FOXK1: variants seen among roughly 807,000 people sequenced by gnomAD.
FOXK1 encodes forkhead box K1, also known as forkhead box protein K1.
In FOXK1, 19 loss-of-function variants were observed where a neutral mutation model predicts 51.9. That is an observed-to-expected ratio of 0.37 (90% confidence interval 0.26 to 0.54). The LOEUF (loss-of-function observed/expected upper bound fraction) is 0.54. Ranked by LOEUF, FOXK1 falls within the 20% of genes least tolerant of loss-of-function variation. The pLI is 0.87. For missense variants in FOXK1, 870 were observed against 1,032.7 expected (o/e 0.84, Z 2.16); for synonymous variants, 537 against 482.6 (o/e 1.11, Z -1.48).
rs1454642252 is a variant in FOXK1 at position 4,767,070 on chromosome 7, G to A, written c.*4606G>A. 1 of 152,160 alleles carries A rather than the reference G, an allele frequency of 6.6e-6. No homozygotes were observed. The highest frequency in any genetic ancestry group is 1.5e-5 in the Non-Finnish European group (1 of 68,062). The allele number at this position is 152,160 out of a possible 1,614,324, so 9.4% of individuals were successfully genotyped here. ...GCTTTCAGAGCCGGCGGGAGTGCAGGTCTGTTTTGCTTCAGAAGCCTCACA... is the reference window on the plus strand; with the variant it reads ...GCTTTCAGAGCCGGCGGGAGTGCAGATCTGTTTTGCTTCAGAAGCCTCACA... On this transcript the variant is annotated 3_prime_UTR_variant, in exon 9 of 9. Transcript: ENST00000328914. This position sits in a 1 kb window ranked among gnomAD's most constrained non-coding sequence, Gnocchi z 6.6.
intron 1 of FOXK1, among the ~76,000 whole-genome samples, chr7:4,717,515 CTGGCTGGGAGGCACG>C (rs1239966102): frequency 1.5e-5 from 2 of 137,608 alleles, no homozygotes; most frequent in South Asian, 2.4e-4. Context: ...TGGGAGGTGC[CTGGCTGGGAGGCACG>C]TGGCTGGGAG....
At position 4,735,512 on chromosome 7, in the gene FOXK1, C is replaced by T. The variant is rs1780541192; in HGVS notation, c.561-5326C>T. ...AGCTCTTAGTCATTCTCCGTCCCCC[C>T]TGCCTGTCCCACCCGTCACTCCAGC... is the stretch of plus-strand genomic sequence containing the variant. On this transcript the variant is annotated intron_variant, in intron 1 of 8. Transcript: ENST00000328914. The surrounding 1 kb of genome is among the most constrained non-coding windows in gnomAD (Gnocchi z 4.7). 6.6e-6 allele frequency among the ~76,000 whole-genome samples: 1 copy of T among 152,196 alleles called. No homozygotes were observed. Among genetic ancestry groups the T allele is most frequent in the Non-Finnish European group, 1.5e-5 (1 of 68,038 alleles).
chr7:4,754,675 C>A, intron 3 of FOXK1, 60 bp downstream of exon 3: 1 of 1,541,268 alleles, frequency 6.5e-7, no homozygotes, highest in Non-Finnish European at 8.7e-7. Flanking sequence ...CATAGTGACC[C>A]GGCGCGGGCG....
At chr7:4,739,037 G>A (rs1310445619) in intron 1 of FOXK1, among the ~76,000 whole-genome samples, 1 of 152,188 alleles carries the variant, frequency 6.6e-6, no homozygotes, top group Non-Finnish European at 1.5e-5. Context: ...TTTCAAAAAC[G>A]CTTTGACGAA....
In FOXK1 at chr7:4,711,262, G is replaced by C. The variant is rs1258466207; in HGVS notation, c.560+28394G>C. On this transcript the variant is annotated intron_variant, in intron 1 of 8. Coordinates refer to ENST00000328914, the MANE Select transcript of FOXK1 (RefSeq NM_001037165.2). This position sits in a 1 kb window ranked among gnomAD's most constrained non-coding sequence, Gnocchi z 6.3. ...CCGACACCTGGGGGTGTTTTCACAGGGTGGGAAGGCTGAGTGTCCTGGGAA... is the reference window on the plus strand; with the variant it reads ...CCGACACCTGGGGGTGTTTTCACAGCGTGGGAAGGCTGAGTGTCCTGGGAA... 6.6e-6 allele frequency among the ~76,000 whole-genome samples: 1 copy of C among 152,166 alleles called. No individual in the cohort carries two copies. Among genetic ancestry groups the C allele is most frequent in the Non-Finnish European group, 1.5e-5 (1 of 68,032 alleles).
In FOXK1 at chr7:4,729,821, C is replaced by G. The variant is rs1780427226; in HGVS notation, c.561-11017C>G. Among the ~76,000 whole-genome samples the G allele has an allele frequency of 6.6e-6, 1 of 152,162 alleles. No individual in the cohort carries two copies. Among genetic ancestry groups the G allele is most frequent in the Non-Finnish European group, 1.5e-5 (1 of 68,022 alleles). On this transcript the variant is annotated intron_variant, in intron 1 of 8. Coordinates refer to ENST00000328914, the MANE Select transcript of FOXK1 (RefSeq NM_001037165.2). The surrounding 1 kb of genome is among the most constrained non-coding windows in gnomAD (Gnocchi z 6.2). ...CCTGGCCAACATGGTGAAACCCCAT[C>G]TCTACTAACAATACAAAAACTAGCC...
At chr7:4,751,281 A>AAAAGCATTGGGATTACCAATCCC (rs1465286391) in intron 2 of FOXK1, among the ~76,000 whole-genome samples, 1 of 147,268 alleles carries the variant, frequency 6.8e-6, no homozygotes, top group East Asian at 2.1e-4. Context: ...GGGTAATCCC[A>AAAAGCATTGGGATTACCAATCCC]AAAGCATTGG....
At position 4,733,935 on chromosome 7, in the gene FOXK1, C is replaced by A. The variant is rs1376895348; in HGVS notation, c.561-6903C>A. 6.6e-6 allele frequency among the ~76,000 whole-genome samples: 1 copy of A among 152,180 alleles called. No individual in the cohort carries two copies. Among genetic ancestry groups the A allele is most frequent in the African/African-American group, 2.4e-5 (1 of 41,452 alleles). On this transcript the variant is annotated intron_variant, in intron 1 of 8. Coordinates refer to ENST00000328914, the MANE Select transcript of FOXK1 (RefSeq NM_001037165.2). This position sits in a 1 kb window ranked among gnomAD's most constrained non-coding sequence, Gnocchi z 5.0. ...CAGGGACCTCCCAGCACGCGCCAAC[C>A]CTGGACTTCCCCCAGAGCTCATCTG... is the stretch of plus-strand genomic sequence containing the variant.
At chr7:4,684,065 C>T (rs1178395005) in intron 1 of FOXK1, among the ~76,000 whole-genome samples, 1 of 152,186 alleles carries the variant, frequency 6.6e-6, no homozygotes, top group Non-Finnish European at 1.5e-5. Context: ...CCGTGGTCAC[C>T]TCCCGCCCAT....
At position 4,735,959 on chromosome 7, in the gene FOXK1, G is replaced by T. The variant is rs1228022459; in HGVS notation, c.561-4879G>T. ...ACTTGAGGTCAGGAGTTCAAGACCA[G>T]CCTGGCCAACATGACCCCGTCTCTA... On this transcript the variant is annotated intron_variant, in intron 1 of 8. Transcript: ENST00000328914. This position sits in a 1 kb window ranked among gnomAD's most constrained non-coding sequence, Gnocchi z 4.7. Among the ~76,000 whole-genome samples, 3 of 152,152 alleles carry T rather than the reference G, an allele frequency of 2.0e-5. No individual in the cohort carries two copies. Among genetic ancestry groups the T allele is most frequent in the Non-Finnish European group, 2.9e-5 (2 of 68,026 alleles).
intron 1 of FOXK1, among the ~76,000 whole-genome samples, chr7:4,719,395 C>T (rs1369320000): frequency 6.6e-6 from 1 of 152,208 alleles, no homozygotes; most frequent in Admixed American, 6.5e-5. Context: ...CCGCCTCTGC[C>T]TCCCAACGTG....
In FOXK1 at chr7:4,709,028, G is replaced by T. The variant is rs1226457472; in HGVS notation, c.560+26160G>T. On this transcript the variant is annotated intron_variant, in intron 1 of 8. Coordinates refer to ENST00000328914, the MANE Select transcript of FOXK1 (RefSeq NM_001037165.2). The surrounding 1 kb of genome is among the most constrained non-coding windows in gnomAD (Gnocchi z 5.6). ...TGCAGTGAGCCAAGATCGCCCCACT[G>T]CACTCCAGCCTGGGCAATGAGCGAG... Among the ~76,000 whole-genome samples, 1 of 145,740 alleles carries T rather than the reference G, an allele frequency of 6.9e-6. No homozygotes were observed. Among genetic ancestry groups the T allele is most frequent in the Non-Finnish European group, 1.5e-5 (1 of 67,270 alleles).
rs996406418 is a variant in FOXK1, at chr7:4,685,495, T to C, written c.560+2627T>C. 3.3e-5 allele frequency among the ~76,000 whole-genome samples: 5 copies of C among 151,648 alleles called. No homozygotes were observed. In the South Asian group the frequency reaches 1.0e-3, roughly 32 times the overall value. On this transcript the variant is annotated intron_variant, in intron 1 of 8. Transcript: ENST00000328914. Reference sequence around the variant, plus strand: ...TCCCAAAGTGCTGGGATTACAGGCATACAGGCGTGAGCCCCTGCGCCCGGC... The same window carrying C: ...TCCCAAAGTGCTGGGATTACAGGCACACAGGCGTGAGCCCCTGCGCCCGGC...
chr7:4,736,975 C>G (rs1780560559), intron 1 of FOXK1, among the ~76,000 whole-genome samples: 1 of 152,230 alleles, frequency 6.6e-6, no homozygotes, highest in Non-Finnish European at 1.5e-5. Flanking sequence ...AGTGATTTAG[C>G]CCAAGGTCAG....
chr7:4,706,217 G>T (rs1255301270), intron 1 of FOXK1, among the ~76,000 whole-genome samples: 2 of 152,002 alleles, frequency 1.3e-5, no homozygotes, highest in Non-Finnish European at 2.9e-5. Flanking sequence ...GAGATCTATA[G>T]CAGGGACTTG....
In FOXK1 at chr7:4,761,256, T is replaced by G. The variant is rs1232986279; in HGVS notation, c.1889T>G (p.Val630Gly). 2.5e-6 allele frequency: 4 copies of G among 1,612,794 alleles called. No individual in the cohort carries two copies. The highest frequency in any genetic ancestry group is 3.4e-6 in the Non-Finnish European group (4 of 1,179,996). The part of the protein sequence containing the change: ...RAVTQNGKHA[V>G]PTNSLAGNAY... The stretch of plus-strand genomic sequence containing the variant: ...GTGACCCAGAACGGAAAGCATGCGG[T>G]TCCCACGAACAGTTTAGCCGGCAAC... The change falls in exon 8 of 9, where the codon GTT (valine) becomes GGT (glycine). Residue 630 changes from valine (V) to glycine (G), a missense_variant. By Grantham distance (109) the Val-to-Gly change is moderately radical. This residue lies in a region of FOXK1 where 457 missense variants were observed against 510.8 expected (regional missense o/e 0.89). Transcript: ENST00000328914. The surrounding 1 kb of genome is among the most constrained non-coding windows in gnomAD (Gnocchi z 6.2).
Position 4,759,139 on chromosome 7 carries a change from T to TC in FOXK1, c.1338dup (p.Ile447HisfsTer6). On this transcript the variant is annotated frameshift_variant, in exon 6 of 9. Coordinates refer to ENST00000328914, the MANE Select transcript of FOXK1 (RefSeq NM_001037165.2). LOFTEE classifies it high-confidence loss of function. ...CCCAGAGTGCCTGTCTCGGGAGGGC[T>TC]CCCCCATTCCACACGACCCTGAGTT... 1 of 1,612,134 alleles carries TC rather than the reference T, an allele frequency of 6.2e-7. No individual in the cohort carries two copies. The highest frequency in any genetic ancestry group is 8.5e-7 in the Non-Finnish European group (1 of 1,179,818).
chr7:4,724,541 C>G (rs911929731), intron 1 of FOXK1, among the ~76,000 whole-genome samples: 1 of 152,210 alleles, frequency 6.6e-6, no homozygotes, highest in Non-Finnish European at 1.5e-5. Context: ...CTTAATTTCT[C>G]TCTGAAGCCA....
intron 2 of FOXK1, among the ~76,000 whole-genome samples, chr7:4,751,064 G>T (rs1780769251): frequency 6.9e-6 from 1 of 145,656 alleles, no homozygotes; most frequent in Non-Finnish European, 1.5e-5. Flanking sequence ...GCCCAGGCTG[G>T]AGTGCAGTGG....
Sources: allele counts gnomAD v4.1 joint callset (sites outside exome capture counted in the v4.1 genomes callset), GRCh38; gene constraint gnomAD v4.1.1; regional missense constraint gnomAD v4.1.1; non-coding constraint Gnocchi (gnomAD v3.1); transcripts MANE v1.5; gene names NCBI Gene and HGNC (gene_info 2026-07-23, HGNC 2026-07-21).